The following EPB41L3 variants were observed in gnomAD, a reference collection of about 807,000 sequenced individuals.
EPB41L3 encodes band 4.1-like protein 3.
In EPB41L3, 57 loss-of-function variants were observed where a neutral mutation model predicts 127.1. The ratio of observed to expected loss-of-function variants is 0.45; its 90% CI spans 0.36 to 0.56. The LOEUF is 0.56. Ranked by LOEUF, EPB41L3 falls within the 20% of genes least tolerant of loss-of-function variation. EPB41L3 has a pLI of 0.00. For synonymous variants in EPB41L3, 572 were observed against 549.5 expected (o/e 1.04, Z -0.57); for missense variants, 1,273 against 1,372.2 (o/e 0.93, Z 1.14).
intron 3 of EPB41L3, among the ~76,000 whole-genome samples, chr18:5,569,460 C>A (rs2149247806): frequency 6.6e-6 from 1 of 152,252 alleles, no homozygotes; most frequent in African/African-American, 2.4e-5. Flanking sequence ...GAGATACCCC[C>A]ATTGTGAATG....
chr18:5,533,828 T>C (rs1447051981), intron 1 of EPB41L3, among the ~76,000 whole-genome samples: 3 of 148,854 alleles, frequency 2.0e-5, no homozygotes, highest in African/African-American at 7.7e-5. Flanking sequence ...CCTTTTAAAT[T>C]TTACATAATT....
intron 1 of EPB41L3, among the ~76,000 whole-genome samples, chr18:5,628,549 G>T (rs537553391): frequency 6.6e-6 from 1 of 152,178 alleles, no homozygotes; most frequent in Non-Finnish European, 1.5e-5. Context: ...AGAGCCCGGC[G>T]TCTTCCCTTT....
At chr18:5,593,796 C>T (rs1363606031) in intron 3 of EPB41L3, among the ~76,000 whole-genome samples, 3 of 152,184 alleles carry the variant, frequency 2.0e-5, no homozygotes, top group African/African-American at 7.2e-5. Context: ...TTCTCTTTCT[C>T]AGGGATGTTC....
intron 3 of EPB41L3, among the ~76,000 whole-genome samples, chr18:5,448,353 C>T (rs1480225542): frequency 5.9e-5 from 9 of 152,162 alleles, no homozygotes; most frequent in African/African-American, 1.4e-4. Context: ...TGTCTTGATT[C>T]TTCTAACCCA....
chr18:5,434,461 A>G (rs2079450628), intron 6 of EPB41L3, among the ~76,000 whole-genome samples: 1 of 152,256 alleles, frequency 6.6e-6, no homozygotes, highest in South Asian at 2.1e-4. Context: ...AACAGTCCCC[A>G]ATACAGTTCC....
chr18:5,418,515 T>C (rs1260119091), intron 12 of EPB41L3, among the ~76,000 whole-genome samples: 2 of 152,176 alleles, frequency 1.3e-5, no homozygotes, highest in Non-Finnish European at 2.9e-5. Context: ...TGGATTATAT[T>C]CTTTTCTGTC....
intron 8 of EPB41L3, among the ~76,000 whole-genome samples, chr18:5,431,007 G>A (rs140674426): frequency 4.1e-4 from 62 of 152,264 alleles, no homozygotes; most frequent in Non-Finnish European, 7.6e-4. Context: ...AGGGGCATAC[G>A]ATTTCTTTAA....
intron 1 of EPB41L3, among the ~76,000 whole-genome samples, chr18:5,626,619 C>G (rs1008974198): frequency 3.3e-5 from 5 of 152,220 alleles, no homozygotes; most frequent in African/African-American, 1.2e-4. Flanking sequence ...CCAAGTAACT[C>G]AGATAACTCT....
At chr18:5,522,275 TTTTG>T (rs146090536) in intron 1 of EPB41L3, among the ~76,000 whole-genome samples, 5 of 151,862 alleles carry the variant, frequency 3.3e-5, no homozygotes, top group Admixed American at 6.6e-5. Flanking sequence ...AGCTAAATTT[TTTTG>T]TTTGTTTGTT....
At chr18:5,448,617 T>C (rs1194590592) in intron 3 of EPB41L3, among the ~76,000 whole-genome samples, 1 of 152,204 alleles carries the variant, frequency 6.6e-6, no homozygotes, top group Admixed American at 6.5e-5. Flanking sequence ...TTTAAAAAAA[T>C]GGATAGAGGT....
intron 3 of EPB41L3, among the ~76,000 whole-genome samples, chr18:5,571,850 G>A (rs913775800): frequency 2.0e-5 from 3 of 152,128 alleles, no homozygotes; most frequent in African/African-American, 7.2e-5. Context: ...CAAGACTCTG[G>A]GTTGGATAAT....
chr18:5,559,706 TATCA>T (rs2094096113), intron 3 of EPB41L3, among the ~76,000 whole-genome samples: 2 of 152,320 alleles, frequency 1.3e-5, no homozygotes, highest in Admixed American at 6.5e-5. Flanking sequence ...TTGCAGTTCA[TATCA>T]ATCATACAAC....
At chr18:5,570,749 C>T (rs1399840403) in intron 3 of EPB41L3, 1 of 152,158 alleles carries the variant, frequency 6.6e-6, no homozygotes, top group Non-Finnish European at 1.5e-5. Flanking sequence ...CTATCCCTCC[C>T]CCACTCCCCA....
intron 3 of EPB41L3, among the ~76,000 whole-genome samples, chr18:5,476,210 A>G (rs1412324188): frequency 6.6e-6 from 1 of 152,160 alleles, no homozygotes; most frequent in African/African-American, 2.4e-5. Flanking sequence ...AGCCGTGAAC[A>G]TGTATTTTCT....
intron 1 of EPB41L3, among the ~76,000 whole-genome samples, chr18:5,539,395 T>C (rs998848394): frequency 6.6e-6 from 1 of 152,206 alleles, no homozygotes; most frequent in Admixed American, 6.5e-5. Context: ...TAATAGAAGC[T>C]TACAATTCCA....
intron 3 of EPB41L3, among the ~76,000 whole-genome samples, chr18:5,595,338 G>C (rs1344143249): frequency 6.6e-6 from 1 of 152,122 alleles, no homozygotes; most frequent in African/African-American, 2.4e-5. Flanking sequence ...CTTAGCAGGA[G>C]CCACAGATTC....
At chr18:5,617,576 C>T (rs1223746232) in intron 1 of EPB41L3, among the ~76,000 whole-genome samples, 1 of 152,160 alleles carries the variant, frequency 6.6e-6, no homozygotes, top group Non-Finnish European at 1.5e-5. Flanking sequence ...CCTCGGCCTC[C>T]CAAAGTGCTG....
At chr18:5,576,882 T>C (rs1294129418) in intron 3 of EPB41L3, among the ~76,000 whole-genome samples, 3 of 152,244 alleles carry the variant, frequency 2.0e-5, no homozygotes, top group Non-Finnish European at 4.4e-5. Context: ...CATTCTTGTC[T>C]TTGGAGAGCA....
At chr18:5,540,452 T>G (rs2093687673) in intron 1 of EPB41L3, 1 of 985,336 alleles carries the variant, frequency 1.0e-6, no homozygotes. Context: ...CCTTGTTTCC[T>G]TTGAGCCATA....
Sources: allele counts gnomAD v4.1 joint callset (sites outside exome capture counted in the v4.1 genomes callset), GRCh38; gene constraint gnomAD v4.1.1; transcripts MANE v1.5; gene names NCBI Gene and HGNC (gene_info 2026-07-23, HGNC 2026-07-21).